DGKZ: variants seen among roughly 807,000 people sequenced by gnomAD.
The protein encoded by DGKZ is DAG kinase zeta.
DGKZ carries 45 observed loss-of-function variants against 142.5 expected under a neutral mutation model. That is an observed-to-expected ratio of 0.32 (90% confidence interval 0.25 to 0.40). The LOEUF is 0.40. Ranked by LOEUF, DGKZ falls within the 10% of genes least tolerant of loss-of-function variation. DGKZ has a pLI of 1.00. For missense variants in DGKZ, 755 were observed against 1,306.5 expected, an observed-to-expected ratio of 0.58 and a Z score of 6.51; for synonymous variants, 442 against 527.0, an observed-to-expected ratio of 0.84 and a Z score of 2.21.
chr11:46,366,890 A>G (rs1410834806), intron 1 of DGKZ: 9 of 1,549,348 alleles, frequency 5.8e-6, no homozygotes, highest in African/African-American at 4.1e-5. Context: ...CGCCGGCACC[A>G]TGCTGCCCAC....
chr11:46,352,871 A>G (rs536589883), intron 1 of DGKZ, among the ~76,000 whole-genome samples: 1 of 152,164 alleles, frequency 6.6e-6, no homozygotes, highest in Non-Finnish European at 1.5e-5. Context: ...TCAGCACAGG[A>G]CTTGGCTGGC....
intron 1 of DGKZ, among the ~76,000 whole-genome samples, chr11:46,335,816 C>G (rs1323504549): frequency 6.6e-6 from 1 of 152,190 alleles, no homozygotes; most frequent in African/African-American, 2.4e-5. Context: ...CAGGGGACCC[C>G]AGGGGAACAA....
chr11:46,378,855 G>T, intron 27 of DGKZ, 136 bp from the exon 28 acceptor site: 1 of 1,371,054 alleles, frequency 7.3e-7, no homozygotes, highest in Non-Finnish European at 9.7e-7. Flanking sequence ...ACCCACAGAG[G>T]CAACTCAGGA....
chr11:46,355,432 A>G (rs1296512216), intron 1 of DGKZ, among the ~76,000 whole-genome samples: 2 of 152,118 alleles, frequency 1.3e-5, no homozygotes, highest in Non-Finnish European at 2.9e-5. Flanking sequence ...AACTTTCAGT[A>G]AACTGGGGAA....
chr11:46,336,534 C>A (rs574252497), intron 1 of DGKZ, among the ~76,000 whole-genome samples: 86 of 152,236 alleles, frequency 5.6e-4, no homozygotes, highest in Middle Eastern at 3.4e-3. Context: ...TTGGGACCAG[C>A]CTGAGTGACA....
intron 1 of DGKZ, among the ~76,000 whole-genome samples, chr11:46,340,448 G>T (rs1940224687): frequency 6.6e-6 from 1 of 152,188 alleles, no homozygotes; most frequent in Non-Finnish European, 1.5e-5. Context: ...AGCTGTGCAG[G>T]CTCCTCTCTC....
At position 46,369,559 on chromosome 11, in the gene DGKZ, C is replaced by G. The variant is rs1943709730; in HGVS notation, c.501+9C>G. ...CCAGGAATGTCCGCGAGGTAAGTGC[C>G]CAGGGTGGTCAGGGATGGGGCCACC... On this transcript the variant is annotated intron_variant, in intron 5 of 30. Coordinates refer to ENST00000527911, the Ensembl canonical transcript of DGKZ. 6.2e-7 allele frequency: 1 copy of G among 1,612,342 alleles called. No individual in the cohort carries two copies. The highest frequency in any genetic ancestry group is 2.2e-5 in the East Asian group (1 of 44,888).
At chr11:46,349,094 C>T (rs1294736155) in intron 1 of DGKZ, among the ~76,000 whole-genome samples, 1 of 152,200 alleles carries the variant, frequency 6.6e-6, no homozygotes, top group Non-Finnish European at 1.5e-5. Flanking sequence ...CCCGTCTCAC[C>T]CGGGCTAGGG....
intron 5 of DGKZ, 111 bp downstream of exon 5, chr11:46,369,661 T>G: frequency 1.4e-6 from 2 of 1,397,064 alleles, no homozygotes; most frequent in Non-Finnish European, 2.0e-6. Flanking sequence ...AGGCTGCTGC[T>G]CACTGAGGTC....
chr11:46,351,920 T>A (rs1941435285), intron 1 of DGKZ, among the ~76,000 whole-genome samples: 1 of 152,038 alleles, frequency 6.6e-6, no homozygotes, highest in Non-Finnish European at 1.5e-5. Flanking sequence ...TCCAAAAAGG[T>A]CAGATCCTGG....
intron 24 of DGKZ, 88 bp downstream of exon 24, chr11:46,376,652 G>C: frequency 6.5e-7 from 1 of 1,537,730 alleles, no homozygotes; most frequent in Non-Finnish European, 8.9e-7. Context: ...TAGCTCCCCC[G>C]ATGGGCTCAC....
chr11:46,347,411 C>T (rs1940755720), upstream of DGKZ: 3 of 983,166 alleles, frequency 3.1e-6, no homozygotes, highest in Non-Finnish European at 3.6e-6. This position sits in a 1 kb window ranked among gnomAD's most constrained non-coding sequence, Gnocchi z 6.4. Context: ...TGCTCGGCGG[C>T]GGGCAGGCAG....
chr11:46,369,347 G>A (rs185216196), intron 4 of DGKZ, 147 bp from the exon 5 acceptor site: 1 of 835,864 alleles, frequency 1.2e-6, no homozygotes. Context: ...CTCACAGGAG[G>A]TGTCTCGTGT....
chr11:46,369,596 G>T (rs557315025), intron 5 of DGKZ, 46 bp downstream of exon 5: 9 of 1,609,412 alleles, frequency 5.6e-6, no homozygotes, highest in South Asian at 4.4e-5. Context: ...TAAGATTCCT[G>T]CATGGGCCTC....
chr11:46,355,361 G>C (rs946361329), intron 1 of DGKZ, among the ~76,000 whole-genome samples: 4 of 152,328 alleles, frequency 2.6e-5, no homozygotes, highest in Non-Finnish European at 5.9e-5. Context: ...GCCCGCCTCA[G>C]CCTCCCAAAG....
chr11:46,373,246 T>G, intron 14 of DGKZ, 145 bp downstream of exon 14: 1 of 818,812 alleles, frequency 1.2e-6, no homozygotes, highest in Non-Finnish European at 1.7e-6. Flanking sequence ...ATAATAGTAC[T>G]TGCCTCACAA....
chr11:46,366,382 C>T, intron 1 of DGKZ: 2 of 1,506,664 alleles, frequency 1.3e-6, no homozygotes, highest in South Asian at 1.2e-5. Context: ...CTGGGCAGGC[C>T]TCCTCCTCAC....
At chr11:46,335,429 A>G (rs774782181) in intron 1 of DGKZ, among the ~76,000 whole-genome samples, 48 of 119,456 alleles carry the variant, frequency 4.0e-4, no homozygotes, top group African/African-American at 1.0e-3. Context: ...ACGTGCACGC[A>G]CACACACACA....
intron 27 of DGKZ, 198 bp downstream of exon 27, chr11:46,378,698 G>C: frequency 1.1e-6 from 1 of 870,570 alleles, no homozygotes; most frequent in Non-Finnish European, 1.9e-6. Flanking sequence ...GCTCCTAGTA[G>C]GGGCTTCCTA....
Sources: gnomAD v4.1 joint callset for allele counts (sites outside exome capture counted in the v4.1 genomes callset) on GRCh38, gnomAD v4.1.1 for gene constraint, Gnocchi (gnomAD v3.1) non-coding constraint, MANE v1.5 for transcripts, NCBI Gene and HGNC (gene_info 2026-07-23, HGNC 2026-07-21) for gene names.